Variants in ADAMTSL3 observed in about 807,000 individuals in gnomAD.
ADAMTSL3 encodes the protein ADAMTS-like protein 3.
In ADAMTSL3, 128 loss-of-function variants were observed where a neutral mutation model predicts 201.7. The observed-to-expected ratio is 0.63, with a 90% CI of 0.55 to 0.73. ADAMTSL3 has a LOEUF of 0.73. Among genes scored for constraint, ADAMTSL3 ranks in the 30% least tolerant of loss-of-function variants. ADAMTSL3 has a pLI of 0.00. For synonymous variants in ADAMTSL3, 738 were observed against 748.4 expected (o/e 0.99, Z 0.23); for missense variants, 1,990 against 2,119.6 (o/e 0.94, Z 1.20).
At chr15:83,840,985 ACATCCACATCCC>A (rs2064362815) in intron 7 of ADAMTSL3, among the ~76,000 whole-genome samples, 1 of 152,232 alleles carries the variant, frequency 6.6e-6, no homozygotes. Flanking sequence ...TTGAGATGTT[ACATCCACATCCC>A]AGATAATAAG....
At chr15:83,682,227 G>A (rs953784829) in intron 2 of ADAMTSL3, among the ~76,000 whole-genome samples, 1 of 151,956 alleles carries the variant, frequency 6.6e-6, no homozygotes, top group Admixed American at 6.6e-5. Flanking sequence ...CTCAGGGATG[G>A]GATAAAGAGA....
chr15:83,711,199 TA>T (rs1299177291), intron 3 of ADAMTSL3, among the ~76,000 whole-genome samples: 14 of 152,228 alleles, frequency 9.2e-5, no homozygotes, highest in African/African-American at 3.4e-4. Context: ...TCTCTCAAAG[TA>T]ACTTCTTCCG....
At chr15:83,855,168 G>T (rs1053928902) in intron 7 of ADAMTSL3, among the ~76,000 whole-genome samples, 16 of 152,178 alleles carry the variant, frequency 1.1e-4, no homozygotes, top group Non-Finnish European at 1.9e-4. Context: ...ATAGATGACA[G>T]CTTAGGACCT....
chr15:84,002,936 C>CTTTTT (rs368176543), intron 23 of ADAMTSL3, among the ~76,000 whole-genome samples: 293 of 99,886 alleles, frequency 2.9e-3, no homozygotes, highest in Non-Finnish European at 4.1e-3. Flanking sequence ...CTTTTCTTTT[C>CTTTTT]TTTTTTTTTT....
At chr15:83,881,864 A>T (rs928432230) in intron 9 of ADAMTSL3, among the ~76,000 whole-genome samples, 3 of 151,476 alleles carry the variant, frequency 2.0e-5, no homozygotes, top group Non-Finnish European at 4.4e-5. Flanking sequence ...CAAAAAAAGA[A>T]AAAAAAAGGC....
rs148702137 is a variant in ADAMTSL3, at chr15:83,881,875, C to T, written c.961-3226C>T. Among the ~76,000 whole-genome samples the T allele has an allele frequency of 3.4e-3, 514 of 150,284 alleles. 3 individuals carry two copies. The highest frequency in any genetic ancestry group is 0.012 in the African/African-American group (481 of 41,020). ...CTCTCAAAAAAAGAAAAAAAAAGGC[C>T]GGGCGCGATGGCTCACGCCTGTAAT... On this transcript the variant is annotated intron_variant, in intron 9 of 29. Coordinates refer to ENST00000286744, the MANE Select transcript of ADAMTSL3 (RefSeq NM_207517.3).
chr15:83,799,019 A>G (rs1241254450), intron 4 of ADAMTSL3, among the ~76,000 whole-genome samples: 1 of 152,074 alleles, frequency 6.6e-6, no homozygotes, highest in Non-Finnish European at 1.5e-5. Flanking sequence ...CATATTAAGA[A>G]CTTTCACTGT....
rs1253048185 is a variant in ADAMTSL3, at chr15:84,037,987, A to G, written c.*181A>G. Reference sequence around the variant, plus strand: ...AGTGAAATTTTCCAATGGTAGTTTTATATTCCAATTTTTTAAAATGATGTA... The same window carrying G: ...AGTGAAATTTTCCAATGGTAGTTTTGTATTCCAATTTTTTAAAATGATGTA... On this transcript the variant is annotated 3_prime_UTR_variant, in exon 30 of 30. Transcript: ENST00000286744. 9 of 950,700 alleles carry G rather than the reference A, an allele frequency of 9.5e-6. No individual in the cohort carries two copies. Among genetic ancestry groups the G allele is most frequent in the Non-Finnish European group, 1.3e-5 (9 of 677,794 alleles). 58.9% of individuals were successfully genotyped at this position (950,700 alleles called of 1,614,324 possible). A position where few individuals can be genotyped will look rare whatever the true frequency, so the allele number is the denominator to read the frequency against.
chr15:83,991,650 G>A (rs2067585715), intron 23 of ADAMTSL3, among the ~76,000 whole-genome samples: 1 of 152,230 alleles, frequency 6.6e-6, no homozygotes, highest in Non-Finnish European at 1.5e-5. Context: ...AGATCGGGGA[G>A]CTAGAATGTC....
intron 2 of ADAMTSL3, among the ~76,000 whole-genome samples, chr15:83,695,788 G>A (rs538411108): frequency 1.3e-5 from 2 of 152,184 alleles, no homozygotes; most frequent in South Asian, 2.1e-4. Flanking sequence ...TATTTCATCA[G>A]GAAGGTTTTG....
intron 20 of ADAMTSL3, among the ~76,000 whole-genome samples, chr15:83,971,818 G>A (rs1407491820): frequency 3.4e-5 from 5 of 148,448 alleles, no homozygotes; most frequent in Non-Finnish European, 7.4e-5. Context: ...CGTTTGGTAA[G>A]GAAAAAAATT....
At chr15:83,797,861 GTGGTTTAAGA>G (rs2063453422) in intron 4 of ADAMTSL3, among the ~76,000 whole-genome samples, 1 of 152,154 alleles carries the variant, frequency 6.6e-6, no homozygotes. Context: ...GCCTAACATG[GTGGTTTAAGA>G]TTGCTCATTG....
intron 4 of ADAMTSL3, among the ~76,000 whole-genome samples, chr15:83,778,474 C>G (rs1187355229): frequency 6.6e-6 from 1 of 152,170 alleles, no homozygotes; most frequent in Admixed American, 6.5e-5. Context: ...ATTCAACATT[C>G]TTAAAATAAA....
chr15:83,901,685 AT>A (rs2065726735), intron 15 of ADAMTSL3, among the ~76,000 whole-genome samples: 1 of 152,202 alleles, frequency 6.6e-6, no homozygotes, highest in African/African-American at 2.4e-5. Flanking sequence ...TTAAAAAGAT[AT>A]GGTTTTGCAC....
intron 2 of ADAMTSL3, among the ~76,000 whole-genome samples, chr15:83,680,921 T>G (rs1446696110): frequency 6.6e-6 from 1 of 152,200 alleles, no homozygotes; most frequent in Non-Finnish European, 1.5e-5. Context: ...TTATCCAAAA[T>G]TTAGTTTATT....
chr15:84,010,147 C>T (rs114001213), intron 23 of ADAMTSL3, among the ~76,000 whole-genome samples: 3,830 of 152,272 alleles, frequency 0.025, 151 homozygotes, highest in African/African-American at 0.083. Flanking sequence ...TAAAGGCAAC[C>T]ACTTTAATTT....
intron 7 of ADAMTSL3, among the ~76,000 whole-genome samples, chr15:83,850,516 TTA>T (rs34109594): frequency 0.14 from 20,660 of 149,052 alleles, 1,867 homozygotes; most frequent in Middle Eastern, 0.34. Flanking sequence ...TATTTTTAAA[TTA>T]TATATATATA....
intron 17 of ADAMTSL3, among the ~76,000 whole-genome samples, chr15:83,927,483 C>T (rs1213545502): frequency 6.6e-6 from 1 of 152,176 alleles, no homozygotes; most frequent in Admixed American, 6.5e-5. Flanking sequence ...TACACCTGCA[C>T]TGTATCAGGT....
At position 83,884,338 on chromosome 15, in the gene ADAMTSL3, C is replaced by CCTT. The variant is rs1305026027; in HGVS notation, c.961-763_961-762insCTT. On this transcript the variant is annotated intron_variant, in intron 9 of 29. Coordinates refer to ENST00000286744, the MANE Select transcript of ADAMTSL3 (RefSeq NM_207517.3). ...TGTTACCTCATTGGTGCCCTATTTC[C>CCTT]TTTTTTTTTTTTTTTTTTTTTTGAG... is the stretch of plus-strand genomic sequence containing the variant. 4.1e-4 allele frequency among the ~76,000 whole-genome samples: 47 copies of CCTT among 114,458 alleles called. 5 individuals are homozygous for CCTT. The highest frequency in any genetic ancestry group is 6.7e-4 in the Admixed American group (7 of 10,470). 75.1% of individuals were successfully genotyped at this position (114,458 alleles called of 152,430 possible).
Sources: allele counts gnomAD v4.1 joint callset (sites outside exome capture counted in the v4.1 genomes callset), GRCh38; gene constraint gnomAD v4.1.1; transcripts MANE v1.5; gene names NCBI Gene and HGNC (gene_info 2026-07-23, HGNC 2026-07-21).